The following ABCA6 variants were observed in gnomAD, a reference collection of about 807,000 sequenced individuals.
ABCA6 encodes ATP-binding cassette sub-family A member 6.
ABCA6 carries 164 observed loss-of-function variants against 191.2 expected under a neutral mutation model. The observed-to-expected ratio is 0.86, with a 90% CI of 0.76 to 0.98. The LOEUF (loss-of-function observed/expected upper bound fraction) is 0.98, where lower values mean the gene tolerates loss of function less well. Among genes scored for constraint, ABCA6 ranks in the 50% least tolerant of loss-of-function variants. The pLI is 0.00. For missense variants in ABCA6, 1,958 were observed against 1,894.1 expected, an observed-to-expected ratio of 1.03 and a Z score of -0.63; for synonymous variants, 636 against 647.7, an observed-to-expected ratio of 0.98 and a Z score of 0.27.
chr17:69,096,906 T>C, intron 23 of ABCA6, 105 bp from the exon 24 acceptor site: 1 of 955,582 alleles, frequency 1.0e-6, no homozygotes, highest in Non-Finnish European at 1.5e-6. Flanking sequence ...ATAAATATAA[T>C]CTAATCTTCT....
chr17:69,084,394 A>C (rs1004163203), intron 33 of ABCA6, 38 bp downstream of exon 33: 1 of 1,613,902 alleles, frequency 6.2e-7, no homozygotes, highest in Non-Finnish European at 8.5e-7. Flanking sequence ...CTGCCATACC[A>C]CACCAGCTCT....
intron 37 of ABCA6, 92 bp from the exon 38 acceptor site, chr17:69,079,357 C>A: frequency 2.1e-6 from 2 of 970,692 alleles, no homozygotes; most frequent in Admixed American, 2.7e-5. Flanking sequence ...AAATGTAAAT[C>A]ATTAATATAA....
chr17:69,103,102 C>A, intron 20 of ABCA6, 134 bp from the exon 21 acceptor site: 1 of 546,176 alleles, frequency 1.8e-6, no homozygotes, highest in Non-Finnish European at 3.1e-6. Flanking sequence ...TTGGGTATCA[C>A]AATAATAATA....
chr17:69,124,833 A>G, intron 9 of ABCA6, 55 bp downstream of exon 9: 2 of 1,020,144 alleles, frequency 2.0e-6, no homozygotes, highest in Middle Eastern at 3.1e-4. Context: ...CTTAAAAAAT[A>G]TATTCAATGT....
intron 36 of ABCA6, among the ~76,000 whole-genome samples, 182 bp downstream of exon 36, chr17:69,082,691 G>C (rs1303192103): frequency 6.6e-6 from 1 of 152,076 alleles, no homozygotes; most frequent in Non-Finnish European, 1.5e-5. Flanking sequence ...GTCTGCCCCA[G>C]GGGACACAGC....
chr17:69,112,048 A>C (rs1568018986), intron 16 of ABCA6, 135 bp downstream of exon 16: 1 of 661,948 alleles, frequency 1.5e-6, no homozygotes, highest in Non-Finnish European at 2.6e-6. Flanking sequence ...AAGTAAAAAA[A>C]AGTATTCAGG....
In ABCA6 at chr17:69,136,121, T is replaced by A. The variant is rs754494465; in HGVS notation, c.431A>T (p.Asn144Ile). Residue 144 changes from asparagine to isoleucine, a missense_variant, in exon 4 of 39, where the codon AAC becomes ATC. By Grantham distance (149) the Asn-to-Ile change is moderately radical (BLOSUM62 -3). Transcript: ENST00000284425. ...GAAATCTTCTTTCCAAAGTGGACTG[T>A]TATATCCCTGGAAAAATATTAACTT... ...SYKLIFFQGY[N>I]SPLWKEDFSA... 6.8e-6 allele frequency: 11 copies of A among 1,610,462 alleles called. No homozygotes were observed. Among genetic ancestry groups the A allele is most frequent in the Non-Finnish European group, 7.6e-6 (9 of 1,178,094 alleles).
At chr17:69,084,172 G>A in intron 34 of ABCA6, 89 bp downstream of exon 34, 12 of 1,180,242 alleles carry the variant, frequency 1.0e-5, no homozygotes, top group Non-Finnish European at 1.5e-5. Flanking sequence ...GGAACTAGTG[G>A]GTTTGAGGGC....
intron 28 of ABCA6, among the ~76,000 whole-genome samples, chr17:69,087,803 C>T (rs2072836839): frequency 6.6e-6 from 1 of 152,140 alleles, no homozygotes; most frequent in African/African-American, 2.4e-5. Context: ...GATGTTTTTT[C>T]AACATCATTT....
chr17:69,103,162 A>T (rs1392572426), intron 20 of ABCA6, among the ~76,000 whole-genome samples, 194 bp from the exon 21 acceptor site: 2 of 152,206 alleles, frequency 1.3e-5, no homozygotes, highest in African/African-American at 4.8e-5. Flanking sequence ...TACCACAATG[A>T]ATTAGCTTTA....
intron 34 of ABCA6, among the ~76,000 whole-genome samples, chr17:69,083,699 C>G (rs374381155): frequency 6.6e-6 from 1 of 152,032 alleles, no homozygotes; most frequent in African/African-American, 2.4e-5. Context: ...GATTCATAAG[C>G]GATTCTCTAC....
intron 11 of ABCA6, among the ~76,000 whole-genome samples, chr17:69,116,615 T>C (rs530437874): frequency 6.6e-6 from 1 of 152,252 alleles, no homozygotes; most frequent in East Asian, 1.9e-4. Flanking sequence ...GGAAACAAAT[T>C]GAATCTCATA....
Position 69,110,228 on chromosome 17 carries a change from C to T in ABCA6, c.2272+573G>A, listed in dbSNP as rs528485481. On this transcript the variant is annotated intron_variant, in intron 17 of 38. Transcript: ENST00000284425. ...ATTCCTTGTGAATAATGGGGGGCTACCTTACAAAGAGAAACCTGTAGCAGA... is the reference window on the plus strand; with the variant it reads ...ATTCCTTGTGAATAATGGGGGGCTATCTTACAAAGAGAAACCTGTAGCAGA... The T allele has an allele frequency of 2.0e-5, 3 of 152,296 alleles. No homozygotes were observed. The East Asian group carries it at 5.8e-4, about 29-fold the overall frequency. The allele number at this position is 152,296 out of a possible 1,614,324, so 9.4% of individuals were successfully genotyped here.
chr17:69,141,206 G>C (rs779886084), intron 1 of ABCA6, among the ~76,000 whole-genome samples: 1 of 151,922 alleles, frequency 6.6e-6, no homozygotes, highest in African/African-American at 2.4e-5. Flanking sequence ...CCTCAATAAA[G>C]TGTTTTCTTG....
chr17:69,113,376 A>G lies in ABCA6; in HGVS notation c.1903-16T>C, dbSNP rs2073469809. 1 of 1,582,642 alleles carries G rather than the reference A, an allele frequency of 6.3e-7. No homozygotes were observed. Among genetic ancestry groups the G allele is most frequent in the Non-Finnish European group, 8.5e-7 (1 of 1,170,964 alleles). ...AAAGCAAAATCTACAGAGAATGAAG[A>G]TATATAAAATATGTCTCTCTTTCAC... On this transcript the variant is annotated splice_polypyrimidine_tract_variant and intron_variant, in intron 14 of 38. Coordinates refer to ENST00000284425, the MANE Select transcript of ABCA6 (RefSeq NM_080284.3).
chr17:69,088,872 T>G (rs2072864515), intron 27 of ABCA6, among the ~76,000 whole-genome samples: 1 of 152,242 alleles, frequency 6.6e-6, no homozygotes, highest in Non-Finnish European at 1.5e-5. Context: ...TGGCTGACCC[T>G]GGATTGAGCC....
At chr17:69,121,068 A>G (rs1598046240) in intron 10 of ABCA6, among the ~76,000 whole-genome samples, 2 of 152,144 alleles carry the variant, frequency 1.3e-5, no homozygotes, top group South Asian at 4.1e-4. Context: ...GGAAGAGTCA[A>G]TTTTTATATA....
intron 22 of ABCA6, 93 bp downstream of exon 22, chr17:69,100,701 TAAC>T: frequency 7.9e-7 from 1 of 1,262,850 alleles, no homozygotes; most frequent in Non-Finnish European, 1.1e-6. Context: ...TTTTCAGGCT[TAAC>T]AATCACTTAT....
chr17:69,087,315 A>G (rs376485849), intron 29 of ABCA6, 38 bp downstream of exon 29: 224 of 1,601,460 alleles, frequency 1.4e-4, no homozygotes, highest in Non-Finnish European at 1.8e-4. Flanking sequence ...GTTCTTGAAT[A>G]TCTCCATTAA....
Sources: allele counts gnomAD v4.1 joint callset (sites outside exome capture counted in the v4.1 genomes callset), GRCh38; gene constraint gnomAD v4.1.1; transcripts MANE v1.5; gene names NCBI Gene and HGNC (gene_info 2026-07-23, HGNC 2026-07-21).